ARSG: variants seen among roughly 807,000 people sequenced by gnomAD.
The protein encoded by ARSG is ASG.
In ARSG, 37 loss-of-function variants were observed where a neutral mutation model predicts 50.5. The observed-to-expected ratio is 0.73, with a 90% CI of 0.56 to 0.96. ARSG has a LOEUF of 0.96. Among genes scored for constraint, ARSG ranks in the 50% least tolerant of loss-of-function variants. The probability of loss-of-function intolerance (pLI) is 0.00; values close to 1 mark genes in which losing one functional copy is unlikely to be tolerated. For missense variants in ARSG, 629 were observed against 675.3 expected (o/e 0.93, Z 0.76); for synonymous variants, 225 against 254.6 (o/e 0.88, Z 1.11).
intron 1 of ARSG, among the ~76,000 whole-genome samples, chr17:68,301,146 G>A (rs528393131): frequency 1.3e-5 from 2 of 151,570 alleles, no homozygotes; most frequent in East Asian, 1.9e-4. Context: ...TTTTAATTAC[G>A]TAAGTGAAAT....
chr17:68,369,221 TC>T (rs2032468560), intron 7 of ARSG, among the ~76,000 whole-genome samples: 1 of 152,170 alleles, frequency 6.6e-6, no homozygotes, highest in Admixed American at 6.5e-5. Flanking sequence ...TAGGTTTCTG[TC>T]TGGAGCGACT....
intron 1 of ARSG, among the ~76,000 whole-genome samples, chr17:68,284,023 G>A (rs569529163): frequency 4.0e-5 from 6 of 150,934 alleles, no homozygotes; most frequent in Non-Finnish European, 5.9e-5. Flanking sequence ...CCTAGGAGTC[G>A]GAGGTTGCAG....
At chr17:68,401,529 G>A (rs1600103377) in intron 11 of ARSG, 79 bp downstream of exon 11, 1 of 1,321,522 alleles carries the variant, frequency 7.6e-7, no homozygotes. Context: ...CCAGGCCTCT[G>A]GGAATGAGTG....
intron 1 of ARSG, among the ~76,000 whole-genome samples, chr17:68,272,429 A>G (rs1359944232): frequency 2.8e-4 from 43 of 152,232 alleles, no homozygotes; most frequent in African/African-American, 9.9e-4. Context: ...CCAGTTAGGA[A>G]TTGAAACCTA....
At chr17:68,324,807 A>C (rs2077438783) in intron 2 of ARSG, among the ~76,000 whole-genome samples, 1 of 152,230 alleles carries the variant, frequency 6.6e-6, no homozygotes, top group Non-Finnish European at 1.5e-5. Context: ...TTTTGTTACT[A>C]TAAGACAACG....
At chr17:68,386,783 A>G (rs1023097318) in intron 9 of ARSG, among the ~76,000 whole-genome samples, 3 of 152,170 alleles carry the variant, frequency 2.0e-5, no homozygotes, top group Non-Finnish European at 4.4e-5. Flanking sequence ...CAGAAAGCCA[A>G]CCAGTGGCTT....
intron 11 of ARSG, among the ~76,000 whole-genome samples, chr17:68,412,481 G>A (rs1192826398): frequency 2.6e-5 from 4 of 152,036 alleles, no homozygotes; most frequent in Admixed American, 6.6e-5. Flanking sequence ...AGTTTCTGCC[G>A]AAAGATCCAC....
At chr17:68,302,926 G>A (rs782529063) in intron 1 of ARSG, among the ~76,000 whole-genome samples, 4 of 152,102 alleles carry the variant, frequency 2.6e-5, no homozygotes, top group Non-Finnish European at 4.4e-5. Flanking sequence ...TGCTGTATTT[G>A]CCAAAGACTC....
chr17:68,347,569 A>G (rs1462569306), intron 4 of ARSG, among the ~76,000 whole-genome samples: 4 of 152,202 alleles, frequency 2.6e-5, no homozygotes, highest in African/African-American at 7.2e-5. Context: ...CAAACAGGAG[A>G]TGCTGCCTCT....
chr17:68,407,552 T>C (rs967853523), intron 11 of ARSG, among the ~76,000 whole-genome samples: 4 of 152,190 alleles, frequency 2.6e-5, no homozygotes, highest in Non-Finnish European at 5.9e-5. Flanking sequence ...GTTTTGTAGT[T>C]TTCCTTGCAG....
intron 6 of ARSG, among the ~76,000 whole-genome samples, chr17:68,365,124 A>C (rs972762280): frequency 2.0e-5 from 3 of 152,240 alleles, no homozygotes; most frequent in African/African-American, 4.8e-5. Flanking sequence ...AGCCTGGCCA[A>C]CATGGCAAAA....
At chr17:68,292,981 C>A (rs1211123006) in intron 1 of ARSG, among the ~76,000 whole-genome samples, 1 of 152,132 alleles carries the variant, frequency 6.6e-6, no homozygotes, top group Non-Finnish European at 1.5e-5. Flanking sequence ...TTGTAAAGTG[C>A]GGATCGCAGT....
At chr17:68,409,395 T>C (rs1265192472) in intron 11 of ARSG, among the ~76,000 whole-genome samples, 1 of 150,278 alleles carries the variant, frequency 6.7e-6, no homozygotes, top group African/African-American at 2.4e-5. Context: ...TCCCCATTGC[T>C]TGTTTTTCTC....
chr17:68,300,517 G>T (rs576550418), intron 1 of ARSG, among the ~76,000 whole-genome samples: 10 of 152,140 alleles, frequency 6.6e-5, no homozygotes, highest in Non-Finnish European at 1.3e-4. Flanking sequence ...CTTTCTTCTT[G>T]ATCATACCCC....
At chr17:68,384,198 G>A (rs1368491973) in intron 8 of ARSG, among the ~76,000 whole-genome samples, 1 of 152,170 alleles carries the variant, frequency 6.6e-6, no homozygotes, top group Non-Finnish European at 1.5e-5. Context: ...CTAACTTTGT[G>A]GGATCCTTGG....
rs564330175 is a variant in ARSG at position 68,354,652 on chromosome 17, G to A, written c.567-2015G>A. On this transcript the variant is annotated intron_variant, in intron 5 of 11. Transcript: ENST00000621439. Reference sequence around the variant, plus strand: ...TAATCCCAGCACTTTGGGAGGCCGAGGTGGGTGGATTGCTTGAGCTCAGGA... The same window carrying A: ...TAATCCCAGCACTTTGGGAGGCCGAAGTGGGTGGATTGCTTGAGCTCAGGA... Among the ~76,000 whole-genome samples, 8 of 152,302 alleles carry A rather than the reference G, an allele frequency of 5.3e-5. No homozygotes were observed. In the East Asian group the frequency reaches 1.5e-3, roughly 29 times the overall value.
chr17:68,397,378 A>T lies in ARSG; in HGVS notation c.1212+2185A>T, dbSNP rs2081290289. On this transcript the variant is annotated intron_variant, in intron 10 of 11. Transcript: ENST00000621439. Reference sequence around the variant, plus strand: ...ATGGTATCTTCAAGGTTAAGAGCACACGGGGCTGGCACCTGTGGGTCACAC... The same window carrying T: ...ATGGTATCTTCAAGGTTAAGAGCACTCGGGGCTGGCACCTGTGGGTCACAC... Among the ~76,000 whole-genome samples, 4 of 152,186 alleles carry T rather than the reference A, an allele frequency of 2.6e-5. No homozygotes were observed. The South Asian group carries it at 8.3e-4, about 31-fold the overall frequency.
At chr17:68,260,354 C>T (rs1295991933) in intron 1 of ARSG, among the ~76,000 whole-genome samples, 3 of 152,104 alleles carry the variant, frequency 2.0e-5, no homozygotes, top group African/African-American at 4.8e-5. Context: ...ATTTTTCCCC[C>T]GGGTTGTTTA....
rs2075780278 is a variant in ARSG, at chr17:68,283,915, T to C, written c.-551-23028T>C. Among the ~76,000 whole-genome samples the C allele has an allele frequency of 3.7e-5, 5 of 135,432 alleles. No individual in the cohort carries two copies. In the South Asian group the frequency reaches 1.2e-3, roughly 33 times the overall value. The allele number at this position is 135,432 out of a possible 152,430, so 88.8% of individuals were successfully genotyped here. A position where few individuals can be genotyped will look rare whatever the true frequency, so the allele number is the denominator to read the frequency against. On this transcript the variant is annotated intron_variant, in intron 1 of 11. Transcript: ENST00000448504. The stretch of plus-strand genomic sequence containing the variant: ...AAAAAAAAGACCAGCCTGGCCAACA[T>C]AGCAAAACACTGTCTCTACTAAAAA...
Sources: gnomAD v4.1 joint callset for allele counts (sites outside exome capture counted in the v4.1 genomes callset) on GRCh38, gnomAD v4.1.1 for gene constraint, MANE v1.5 for transcripts, NCBI Gene and HGNC (gene_info 2026-07-23, HGNC 2026-07-21) for gene names.